Variants in CACNA1C observed in about 807,000 individuals in gnomAD.
CACNA1C encodes calcium voltage-gated channel subunit alpha1 C, also known as voltage-dependent L-type calcium channel subunit alpha-1C.
A neutral mutation model predicts 229.0 loss-of-function variants in CACNA1C; 30 were observed. The observed-to-expected ratio is 0.13, with a 90% CI of 0.10 to 0.18. The LOEUF (loss-of-function observed/expected upper bound fraction) is 0.18. CACNA1C is among the 10% of genes least tolerant of loss of function. CACNA1C has a pLI of 1.00. For synonymous variants in CACNA1C, 1,114 were observed against 1,132.5 expected, an observed-to-expected ratio of 0.98 and a Z score of 0.33; for missense variants, 1,658 against 2,845.0, an observed-to-expected ratio of 0.58 and a Z score of 9.49.
chr12:2,047,518 T>C (rs1423620214), intron 1 of CACNA1C, among the ~76,000 whole-genome samples: 1 of 152,230 alleles, frequency 6.6e-6, no homozygotes, highest in Non-Finnish European at 1.5e-5. Flanking sequence ...ACCAGGCTCT[T>C]CGCTGTATTT....
chr12:2,113,572 G>T (rs1490580747), intron 1 of CACNA1C, among the ~76,000 whole-genome samples: 1 of 152,178 alleles, frequency 6.6e-6, no homozygotes, highest in African/African-American at 2.4e-5. Flanking sequence ...TGGGTGTCAT[G>T]TATGTGCAAC....
intron 3 of CACNA1C, among the ~76,000 whole-genome samples, chr12:2,294,990 T>C (rs937176441): frequency 1.3e-5 from 2 of 152,196 alleles, no homozygotes; most frequent in African/African-American, 4.8e-5. Flanking sequence ...GTATTTGGCC[T>C]GTGCCCCACC....
chr12:2,192,515 C>T (rs1044651573), intron 3 of CACNA1C, among the ~76,000 whole-genome samples: 2 of 152,248 alleles, frequency 1.3e-5, no homozygotes, highest in Non-Finnish European at 2.9e-5. Context: ...CGTCCATTTC[C>T]CATGCTTTGA....
chr12:2,150,209 C>G (rs1353896318), intron 3 of CACNA1C, among the ~76,000 whole-genome samples: 1 of 152,182 alleles, frequency 6.6e-6, no homozygotes, highest in Non-Finnish European at 1.5e-5. Context: ...GCAGGATAAG[C>G]CCGTGTCTGG....
At chr12:2,582,710 T>C (rs2060985875) in intron 14 of CACNA1C, 112 bp from the exon 15 acceptor site, 13 of 1,185,134 alleles carry the variant, frequency 1.1e-5, no homozygotes, top group Admixed American at 2.1e-5. Context: ...GGGAAAGAAG[T>C]GAAAGGGAAA....
At chr12:1,984,026 G>A (rs963865160) in intron 1 of CACNA1C, among the ~76,000 whole-genome samples, 1 of 151,580 alleles carries the variant, frequency 6.6e-6, no homozygotes, top group African/African-American at 2.4e-5. Flanking sequence ...CATCTACTTT[G>A]TCTGATGTTA....
chr12:2,324,443 A>G (rs988301410), intron 3 of CACNA1C, among the ~76,000 whole-genome samples: 2 of 152,188 alleles, frequency 1.3e-5, no homozygotes, highest in Admixed American at 1.3e-4. Context: ...CCCAGATGAC[A>G]CGCTGGAGTT....
rs1158576770 is a variant in CACNA1C, at chr12:2,666,995, A to G, written c.4623+213A>G. On this transcript the variant is annotated intron_variant, in intron 37 of 46. Coordinates refer to ENST00000399655, the MANE Select transcript of CACNA1C (RefSeq NM_000719.7). The surrounding 1 kb of genome is among the most constrained non-coding windows in gnomAD (Gnocchi z 5.3). Reference sequence around the variant, plus strand: ...TGAGCCAGGGACCCAGTCCTGGATAAAGGACTTGTTCAGTCCATCCCACTG... The same window carrying G: ...TGAGCCAGGGACCCAGTCCTGGATAGAGGACTTGTTCAGTCCATCCCACTG... 6.6e-6 allele frequency among the ~76,000 whole-genome samples: 1 copy of G among 152,170 alleles called. No homozygotes were observed. The highest frequency in any genetic ancestry group is 2.4e-5 in the African/African-American group (1 of 41,436).
At chr12:2,201,391 CA>C (rs755330551) in intron 3 of CACNA1C, among the ~76,000 whole-genome samples, 2 of 152,194 alleles carry the variant, frequency 1.3e-5, no homozygotes, top group Non-Finnish European at 2.9e-5. Context: ...CATTGTGCTA[CA>C]AACCCACTAA....
At chr12:2,256,177 A>C (rs1284777532) in intron 3 of CACNA1C, among the ~76,000 whole-genome samples, 3 of 152,152 alleles carry the variant, frequency 2.0e-5, no homozygotes, top group African/African-American at 7.2e-5. Flanking sequence ...CTTACACTGG[A>C]GCTACTAGAT....
At chr12:2,197,989 A>G (rs1035494471) in intron 3 of CACNA1C, among the ~76,000 whole-genome samples, 1 of 152,280 alleles carries the variant, frequency 6.6e-6, no homozygotes, top group African/African-American at 2.4e-5. Flanking sequence ...GTTTAATTCA[A>G]ATTTATTTTC....
rs762730520 is a variant in CACNA1C, at chr12:2,512,998, T to G, written c.1390+14T>G. The stretch of plus-strand genomic sequence containing the variant: ...AGCCCCGAAACAGTGAGCAGCCGTC[T>G]TCTTCTGTGTTTGGGCTGGGTTCTG... On this transcript the variant is annotated intron_variant, in intron 9 of 46. Transcript: ENST00000399655. The surrounding 1 kb of genome is among the most constrained non-coding windows in gnomAD (Gnocchi z 4.3). The G allele has an allele frequency of 4.4e-6, 7 of 1,582,340 alleles. No individual in the cohort carries two copies. Among genetic ancestry groups the G allele is most frequent in the East Asian group, 2.3e-5 (1 of 43,500 alleles).
At chr12:2,369,781 A>G (rs2097809187) in intron 3 of CACNA1C, among the ~76,000 whole-genome samples, 1 of 152,188 alleles carries the variant, frequency 6.6e-6, no homozygotes, top group Non-Finnish European at 1.5e-5. Flanking sequence ...AATAAACCAT[A>G]AGACTTGGGG....
intron 3 of CACNA1C, among the ~76,000 whole-genome samples, chr12:2,127,808 C>A (rs1248189231): frequency 2.6e-5 from 4 of 152,132 alleles, no homozygotes; most frequent in African/African-American, 9.7e-5. Flanking sequence ...AACTGTGTGG[C>A]CTTAGGTCAG....
intron 3 of CACNA1C, among the ~76,000 whole-genome samples, chr12:2,165,980 G>C (rs1566089721): frequency 6.6e-6 from 1 of 152,198 alleles, no homozygotes; most frequent in Non-Finnish European, 1.5e-5. Context: ...TAATGGAAAT[G>C]GCATACGTGC....
chr12:2,100,468 AAAAAAAAAAAAC>A (rs1243347892), intron 1 of CACNA1C, among the ~76,000 whole-genome samples: 1 of 79,652 alleles, frequency 1.3e-5, no homozygotes, highest in African/African-American at 3.9e-5. Context: ...CTCCATCTCA[AAAAAAAAAAAAC>A]AAAAAAAAAA....
At chr12:2,004,555 C>G in intron 1 of CACNA1C, 2 of 1,382,880 alleles carry the variant, frequency 1.4e-6, no homozygotes, top group Non-Finnish European at 1.9e-6. Context: ...GGCCTTCCGG[C>G]TCCAGTCACC....
chr12:2,235,405 G>T (rs1370899541), intron 3 of CACNA1C, among the ~76,000 whole-genome samples: 1 of 152,222 alleles, frequency 6.6e-6, no homozygotes, highest in African/African-American at 2.4e-5. Context: ...CAACCCTGAT[G>T]TGGCAGGACG....
chr12:2,389,514 C>T (rs1221054612), intron 3 of CACNA1C, among the ~76,000 whole-genome samples: 1 of 152,172 alleles, frequency 6.6e-6, no homozygotes, highest in Non-Finnish European at 1.5e-5. Context: ...GTGATCCTGT[C>T]CTCTGTGAGT....
Sources: gnomAD v4.1 joint callset for allele counts (sites outside exome capture counted in the v4.1 genomes callset) on GRCh38, gnomAD v4.1.1 for gene constraint, Gnocchi (gnomAD v3.1) non-coding constraint, MANE v1.5 for transcripts, NCBI Gene and HGNC (gene_info 2026-07-23, HGNC 2026-07-21) for gene names.